The following TCF7L1 variants were observed in gnomAD, a reference collection of about 807,000 sequenced individuals.
TCF7L1 encodes transcription factor 7 like 1, also known as transcription factor 7-like 1.
In TCF7L1, 18 loss-of-function variants were observed where a neutral mutation model predicts 63.7. The observed-to-expected ratio is 0.28, with a 90% CI of 0.20 to 0.42. The LOEUF (loss-of-function observed/expected upper bound fraction) is 0.42. Ranked by LOEUF, TCF7L1 falls within the 10% of genes least tolerant of loss-of-function variation. The probability of loss-of-function intolerance (pLI) is 1.00; values close to 1 mark genes in which losing one functional copy is unlikely to be tolerated. For synonymous variants in TCF7L1, 355 were observed against 340.9 expected (o/e 1.04, Z -0.46); for missense variants, 654 against 779.3 (o/e 0.84, Z 1.91).
intron 3 of TCF7L1, among the ~76,000 whole-genome samples, chr2:85,169,052 A>C (rs1368549284): frequency 6.6e-6 from 1 of 152,160 alleles, no homozygotes; most frequent in Non-Finnish European, 1.5e-5. Context: ...TGTCAGTTTC[A>C]TCTTCCAAAA....
chr2:85,135,342 C>T (rs527931638), intron 3 of TCF7L1, among the ~76,000 whole-genome samples: 4 of 152,282 alleles, frequency 2.6e-5, no homozygotes, highest in Non-Finnish European at 5.9e-5. Context: ...GGTCCGATGA[C>T]AGATGTTGGG....
chr2:85,295,047 A>C (rs556614479), intron 4 of TCF7L1, among the ~76,000 whole-genome samples: 1 of 152,082 alleles, frequency 6.6e-6, no homozygotes, highest in Non-Finnish European at 1.5e-5. Context: ...AAATTTTTTT[A>C]AATAAAATTC....
intron 3 of TCF7L1, among the ~76,000 whole-genome samples, chr2:85,220,378 A>G (rs1418736652): frequency 6.6e-6 from 1 of 151,726 alleles, no homozygotes; most frequent in African/African-American, 2.4e-5. Flanking sequence ...ATATATGTAT[A>G]TATATTTTTT....
chr2:85,179,629 C>T (rs1470042696), intron 3 of TCF7L1, among the ~76,000 whole-genome samples: 1 of 152,178 alleles, frequency 6.6e-6, no homozygotes, highest in Non-Finnish European at 1.5e-5. Context: ...TGCCCCCTCC[C>T]TTGCTCTGCT....
chr2:85,165,071 G>C (rs1678384637), intron 3 of TCF7L1, among the ~76,000 whole-genome samples: 1 of 152,190 alleles, frequency 6.6e-6, no homozygotes, highest in Non-Finnish European at 1.5e-5. Flanking sequence ...GCCTCTGTGG[G>C]CTTCCCTAGC....
chr2:85,298,565 C>G (rs1456700184), intron 4 of TCF7L1, among the ~76,000 whole-genome samples: 2 of 151,034 alleles, frequency 1.3e-5, no homozygotes, highest in Admixed American at 1.3e-4. Context: ...TTGTCTTGTA[C>G]CAACTCTAGA....
Position 85,134,065 on chromosome 2 carries a change from A to G in TCF7L1, c.299A>G (p.Asp100Gly). 1 of 1,610,082 alleles carries G rather than the reference A, an allele frequency of 6.2e-7. No individual in the cohort carries two copies. Among genetic ancestry groups the G allele is most frequent in the Non-Finnish European group, 8.5e-7 (1 of 1,179,096 alleles). Residue 100 changes from aspartate to glycine, a missense_variant, in exon 2 of 12, where the codon GAC (aspartate) becomes GGC (glycine). Transcript: ENST00000282111. This position sits in a 1 kb window ranked among gnomAD's most constrained non-coding sequence, Gnocchi z 5.0. ...CGGGACACTTTCCAGAAGCCGCGGGACTATTTCGCCGAAGGTATGTGCCCG... is the reference window on the plus strand; with the variant it reads ...CGGGACACTTTCCAGAAGCCGCGGGGCTATTTCGCCGAAGGTATGTGCCCG... ...PVRDTFQKPR[D>G]YFAEVRRPQD...
At chr2:85,297,895 T>C (rs941513125) in intron 4 of TCF7L1, among the ~76,000 whole-genome samples, 6 of 152,214 alleles carry the variant, frequency 3.9e-5, no homozygotes, top group African/African-American at 1.4e-4. Context: ...TTAGTTTTTC[T>C]TCTTAGCATT....
chr2:85,149,577 G>A (rs769442201), intron 3 of TCF7L1, among the ~76,000 whole-genome samples: 16 of 151,950 alleles, frequency 1.1e-4, no homozygotes, highest in Non-Finnish European at 1.8e-4. Context: ...CCAGGCTGGA[G>A]TCAGTGGCGC....
rs1256215111 is a variant in TCF7L1, at chr2:85,142,449, TGTGTGTGTGTGTGTGTTG to T, written c.441+8000_441+8017del. On this transcript the variant is annotated intron_variant, in intron 3 of 11. Coordinates refer to ENST00000282111, the MANE Select transcript of TCF7L1 (RefSeq NM_031283.3). ...AAAAAAAAATGTGTGTGTGTGTGTG[TGTGTGTGTGTGTGTGTTG>T]TGTGTATATATATAATATATATATA... 1.2e-3 allele frequency among the ~76,000 whole-genome samples: 19 copies of T among 16,362 alleles called. No homozygotes were observed. In the East Asian group the frequency reaches 0.11, roughly 95 times the overall value. 10.7% of individuals were successfully genotyped at this position (16,362 alleles called of 152,430 possible). A position where few individuals can be genotyped will look rare whatever the true frequency, so the allele number is the denominator to read the frequency against.
chr2:85,250,838 G>T (rs1680571724), intron 3 of TCF7L1, among the ~76,000 whole-genome samples: 1 of 152,192 alleles, frequency 6.6e-6, no homozygotes, highest in Admixed American at 6.5e-5. Context: ...TGCAAAGAAA[G>T]CCCTGAATGC....
intron 3 of TCF7L1, among the ~76,000 whole-genome samples, chr2:85,170,015 C>T (rs1678511834): frequency 6.6e-6 from 1 of 152,192 alleles, no homozygotes. Context: ...AAGTTGATAT[C>T]GCATAAACCT....
chr2:85,261,526 A>T (rs1202034653), intron 3 of TCF7L1, among the ~76,000 whole-genome samples: 1 of 152,230 alleles, frequency 6.6e-6, no homozygotes, highest in Non-Finnish European at 1.5e-5. Context: ...GTTGTTAAGG[A>T]CAAGAAGTTG....
chr2:85,303,913 A>G lies in TCF7L1; in HGVS notation c.677A>G (p.His226Arg). 1 of 1,611,500 alleles carries G rather than the reference A, an allele frequency of 6.2e-7. No homozygotes were observed. Among genetic ancestry groups the G allele is most frequent in the Non-Finnish European group, 8.5e-7 (1 of 1,178,566 alleles). ...GAAGCAGGAATCCCCCGGCCCCCTC[A>G]CCCATCCGAGCTGTCACCGTATTAC... ...DPKTGIPRPP[H>R]PSELSPYYPL... is the part of the protein sequence containing the mutation. Residue 226 changes from histidine (H) to arginine (R), a missense_variant, in exon 6 of 12, where the codon CAC becomes CGC. His to Arg is a conservative substitution (Grantham distance 29). Coordinates refer to ENST00000282111, the MANE Select transcript of TCF7L1 (RefSeq NM_031283.3).
At chr2:85,190,081 A>C (rs1307879831) in intron 3 of TCF7L1, among the ~76,000 whole-genome samples, 1 of 152,186 alleles carries the variant, frequency 6.6e-6, no homozygotes, top group African/African-American at 2.4e-5. Flanking sequence ...CCCCTGCTTA[A>C]GGGTAGAGAC....
chr2:85,227,521 C>G (rs1227854738), intron 3 of TCF7L1, among the ~76,000 whole-genome samples: 1 of 147,946 alleles, frequency 6.8e-6, no homozygotes, highest in African/African-American at 2.5e-5. Context: ...TTAATAATAA[C>G]AAAAAGGGTG....
At chr2:85,207,548 A>G (rs1253028552) in intron 3 of TCF7L1, among the ~76,000 whole-genome samples, 2 of 151,924 alleles carry the variant, frequency 1.3e-5, no homozygotes, top group African/African-American at 4.8e-5. Flanking sequence ...TAAAATGGTC[A>G]TCATGGTGCC....
At chr2:85,206,684 G>A (rs1179627365) in intron 3 of TCF7L1, among the ~76,000 whole-genome samples, 1 of 152,088 alleles carries the variant, frequency 6.6e-6, no homozygotes, top group Admixed American at 6.6e-5. Flanking sequence ...GATCTCCTGT[G>A]GGCCAGGCAC....
chr2:85,249,082 G>C (rs966429511), intron 3 of TCF7L1, among the ~76,000 whole-genome samples: 1 of 152,160 alleles, frequency 6.6e-6, no homozygotes, highest in Non-Finnish European at 1.5e-5. Context: ...GAAATACCTA[G>C]CCTAATGTCT....
Sources: gnomAD v4.1 joint callset for allele counts (sites outside exome capture counted in the v4.1 genomes callset) on GRCh38, gnomAD v4.1.1 for gene constraint, Gnocchi (gnomAD v3.1) non-coding constraint, MANE v1.5 for transcripts, NCBI Gene and HGNC (gene_info 2026-07-23, HGNC 2026-07-21) for gene names.